Variants in FYB2 observed in about 807,000 individuals in gnomAD.
FYB2 encodes the protein FYN-binding protein 2.
In FYB2, 103 loss-of-function variants were observed where a neutral mutation model predicts 94.1. The observed-to-expected ratio is 1.09, with a 90% CI of 0.93 to 1.29. The LOEUF (loss-of-function observed/expected upper bound fraction) is 1.29, where lower values mean the gene tolerates loss of function less well. Ranked by LOEUF, FYB2 falls within the 50% of genes most tolerant of loss-of-function variation. The pLI is 0.00. For synonymous variants in FYB2, 293 were observed against 287.9 expected, an observed-to-expected ratio of 1.02 and a Z score of -0.18; for missense variants, 896 against 841.5, an observed-to-expected ratio of 1.06 and a Z score of -0.80.
chr1:56,723,748 G>A (rs774696204), intron 16 of FYB2, 67 bp from the exon 17 acceptor site: 173 of 853,256 alleles, frequency 2.0e-4, no homozygotes, highest in Non-Finnish European at 2.6e-4. Flanking sequence ...CTGAGCCTAC[G>A]AAGTCACTTC....
At chr1:56,797,180 T>G (rs576322575) in intron 1 of FYB2, among the ~76,000 whole-genome samples, 17 of 152,046 alleles carry the variant, frequency 1.1e-4, no homozygotes, top group Admixed American at 2.6e-4. Flanking sequence ...GAAGGCACAA[T>G]CTTGGAAACA....
chr1:56,819,695 ACAGAC>A (rs534349514), upstream of FYB2: 14 of 328,192 alleles, frequency 4.3e-5, no homozygotes, highest in South Asian at 5.1e-4. Context: ...TCCTGTTAGT[ACAGAC>A]CATGCAGGCT....
intron 1 of FYB2, among the ~76,000 whole-genome samples, chr1:56,812,516 C>T (rs1180747853): frequency 1.3e-5 from 2 of 152,084 alleles, no homozygotes; most frequent in African/African-American, 4.8e-5. Flanking sequence ...TACAAAATTG[C>T]TTAATTATTA....
intron 15 of FYB2, among the ~76,000 whole-genome samples, chr1:56,728,579 T>A (rs1236104513): frequency 2.0e-5 from 3 of 152,208 alleles, no homozygotes; most frequent in East Asian, 3.9e-4. Context: ...TTAGAAAAAG[T>A]GAAATCTGAA....
chr1:56,756,408 A>C (rs1346439504), intron 6 of FYB2, among the ~76,000 whole-genome samples: 1 of 152,084 alleles, frequency 6.6e-6, no homozygotes, highest in African/African-American at 2.4e-5. Flanking sequence ...TTATGTCCCA[A>C]TGATCACAAT....
At chr1:56,790,954 CT>C (rs1570165202) in intron 2 of FYB2, among the ~76,000 whole-genome samples, 1 of 152,010 alleles carries the variant, frequency 6.6e-6, no homozygotes, top group East Asian at 1.9e-4. Context: ...CTTGACAAAG[CT>C]TATTTAAGGA....
intron 11 of FYB2, among the ~76,000 whole-genome samples, chr1:56,742,922 TTTTC>T (rs1452397893): frequency 2.0e-5 from 3 of 152,032 alleles, no homozygotes; most frequent in Admixed American, 6.6e-5. Context: ...CTCCATTGCT[TTTTC>T]TTTTTCTAAA....
chr1:56,783,374 T>G (rs917647366), intron 4 of FYB2, among the ~76,000 whole-genome samples: 15 of 152,172 alleles, frequency 9.9e-5, no homozygotes, highest in African/African-American at 3.6e-4. Flanking sequence ...CTCTCATGTT[T>G]TAGACACAAA....
rs1235188442 is a variant in FYB2 at position 56,792,926 on chromosome 1, C to T, written c.10-123G>A. ...TGTGATTAGATCTCACTGATCTCAC[C>T]ATGTTAAGGGACTCTAACTGCTGAT... On this transcript the variant is annotated intron_variant, in intron 1 of 19. Transcript: ENST00000343433. The T allele has an allele frequency of 1.8e-5, 18 of 1,017,418 alleles. No homozygotes were observed. In the East Asian group the frequency reaches 3.6e-4, roughly 21 times the overall value. The allele number at this position is 1,017,418 out of a possible 1,614,324, so 63.0% of individuals were successfully genotyped here.
chr1:56,759,541 G>A (rs1230352357), intron 5 of FYB2, among the ~76,000 whole-genome samples: 1 of 152,128 alleles, frequency 6.6e-6, no homozygotes. Context: ...TAAAAATACA[G>A]TATTATCATC....
At chr1:56,798,218 C>T (rs1269765778) in intron 1 of FYB2, among the ~76,000 whole-genome samples, 1 of 152,110 alleles carries the variant, frequency 6.6e-6, no homozygotes, top group South Asian at 2.1e-4. Flanking sequence ...GATTAGAATG[C>T]CCATGGAAAC....
intron 1 of FYB2, among the ~76,000 whole-genome samples, chr1:56,800,748 A>G (rs973339438): frequency 6.6e-6 from 1 of 152,118 alleles, no homozygotes; most frequent in Non-Finnish European, 1.5e-5. Context: ...CGCCTCCTCT[A>G]GTTGCAAGCA....
At chr1:56,815,656 G>A (rs1445486335) in intron 1 of FYB2, among the ~76,000 whole-genome samples, 2 of 152,178 alleles carry the variant, frequency 1.3e-5, no homozygotes, top group Non-Finnish European at 2.9e-5. Context: ...AAATTTCCCT[G>A]TAAAATGGGA....
intron 4 of FYB2, among the ~76,000 whole-genome samples, chr1:56,785,819 G>A (rs531972695): frequency 2.3e-4 from 35 of 152,016 alleles, no homozygotes; most frequent in Non-Finnish European, 4.4e-4. Flanking sequence ...TTTCCTCTTC[G>A]GGGATAGGTT....
rs779451572 is a variant in FYB2 at position 56,742,232 on chromosome 1, A to T, written c.1544-11T>A. The T allele has an allele frequency of 8.9e-6, 14 of 1,565,126 alleles. No homozygotes were observed. In the South Asian group the frequency reaches 1.6e-4, roughly 18 times the overall value. On this transcript the variant is annotated splice_polypyrimidine_tract_variant and intron_variant, in intron 11 of 19. Coordinates refer to ENST00000343433, the MANE Select transcript of FYB2 (RefSeq NM_001004303.5). The stretch of plus-strand genomic sequence containing the variant: ...GTTCTCTATTTTCTTCTGAAATTAG[A>T]AGAAAACCCTACTTATATTCATTAT...
At chr1:56,770,827 A>G (rs1199243955) in intron 4 of FYB2, among the ~76,000 whole-genome samples, 1 of 152,206 alleles carries the variant, frequency 6.6e-6, no homozygotes, top group Non-Finnish European at 1.5e-5. Flanking sequence ...GGACGAAAGT[A>G]TATTCCAGTC....
chr1:56,735,069 A>C (rs1339383794), intron 15 of FYB2, among the ~76,000 whole-genome samples: 1 of 152,158 alleles, frequency 6.6e-6, no homozygotes, highest in Admixed American at 6.5e-5. Context: ...AAAAACTACA[A>C]ATAGAACTAT....
intron 1 of FYB2, among the ~76,000 whole-genome samples, chr1:56,804,791 C>T (rs1166554084): frequency 6.6e-6 from 1 of 152,078 alleles, no homozygotes; most frequent in East Asian, 1.9e-4. Context: ...CACGCCACTC[C>T]TCTGCTTAAA....
intron 6 of FYB2, among the ~76,000 whole-genome samples, chr1:56,758,326 C>T (rs1318216661): frequency 6.6e-6 from 1 of 151,756 alleles, no homozygotes; most frequent in East Asian, 1.9e-4. Flanking sequence ...TGCTATGCTG[C>T]CTCCAGGTGG....
Sources: allele counts gnomAD v4.1 joint callset (sites outside exome capture counted in the v4.1 genomes callset), GRCh38; gene constraint gnomAD v4.1.1; transcripts MANE v1.5; gene names NCBI Gene and HGNC (gene_info 2026-07-23, HGNC 2026-07-21).